Variants in UGT2A1 observed in about 807,000 individuals in gnomAD.
UGT2A1 encodes the protein UDP-glucuronosyltransferase 2A1.
In UGT2A1, 61 loss-of-function variants were observed where a neutral mutation model predicts 45.4. That is an observed-to-expected ratio of 1.34 (90% CI 1.09 to 1.66). The LOEUF is 1.66. UGT2A1 is among the 40% of genes most tolerant of loss of function. The pLI is 0.00. For missense variants in UGT2A1, 649 were observed against 574.3 expected, an observed-to-expected ratio of 1.13 and a Z score of -1.33; for synonymous variants, 229 against 196.2, an observed-to-expected ratio of 1.17 and a Z score of -1.40.
chr4:69,640,956 AC>A (rs1722020161), intron 2 of UGT2A1, among the ~76,000 whole-genome samples: 1 of 151,922 alleles, frequency 6.6e-6, no homozygotes, highest in African/African-American at 2.4e-5. Context: ...TTGCTGTCAA[AC>A]TTTCAATAAA....
At position 69,647,062 on chromosome 4, in the gene UGT2A1, C is replaced by G. The variant is rs768153012; in HGVS notation, c.583G>C (p.Ala195Pro). 1 of 1,612,784 alleles carries G rather than the reference C, an allele frequency of 6.2e-7. No homozygotes were observed. Among genetic ancestry groups the G allele is most frequent in the Admixed American group, 1.7e-5 (1 of 59,842 alleles). The change falls in exon 2 of 7, where the codon GCT becomes CCT. Residue 195 changes from alanine (A) to proline (P), a missense_variant. Ala to Pro is a conservative substitution (Grantham distance 27). Transcript: ENST00000286604. The stretch of plus-strand genomic sequence containing the variant: ...TGGTCGGTGAGTTCTGATAAAACAG[C>G]AGGAACATAGGAAGGAGGGTATGGT... ...KVPYPPSYVP[A>P]VLSELTDQMS...
intron 2 of UGT2A1, 23 bp downstream of exon 2, chr4:69,646,907 T>C: frequency 6.6e-7 from 1 of 1,516,904 alleles, no homozygotes; most frequent in Non-Finnish European, 8.8e-7. Flanking sequence ...ATTCAAGTAA[T>C]AAAAACAAAA....
intron 2 of UGT2A1, among the ~76,000 whole-genome samples, chr4:69,640,223 G>A (rs1008028102): frequency 1.3e-5 from 2 of 151,846 alleles, no homozygotes; most frequent in African/African-American, 4.8e-5. Flanking sequence ...TTCAAATATT[G>A]TCCTTTTATA....
intron 6 of UGT2A1, among the ~76,000 whole-genome samples, chr4:69,590,991 A>C (rs1052401389): frequency 2.6e-5 from 4 of 152,220 alleles, no homozygotes; most frequent in Non-Finnish European, 4.4e-5. Context: ...TATATACTCT[A>C]CACTATACCT....
chr4:69,630,791 C>T (rs755752588), intron 3 of UGT2A1, among the ~76,000 whole-genome samples: 4 of 152,098 alleles, frequency 2.6e-5, no homozygotes, highest in South Asian at 2.1e-4. Flanking sequence ...GCAATTCTAC[C>T]GCTGGAGGAA....
At chr4:69,591,838 T>C (rs4148307) in intron 6 of UGT2A1, among the ~76,000 whole-genome samples, 34,213 of 152,072 alleles carry the variant, frequency 0.22, 4,000 homozygotes, top group Middle Eastern at 0.31. Flanking sequence ...TGTCAGCAAC[T>C]AACAACTTTG....
chr4:69,614,685 C>T (rs749317319), intron 3 of UGT2A1, among the ~76,000 whole-genome samples: 21 of 152,038 alleles, frequency 1.4e-4, no homozygotes, highest in Middle Eastern at 3.4e-3. Context: ...AGTAAACTAC[C>T]TTTCAACAAA....
chr4:69,599,250 G>C lies in UGT2A1; in HGVS notation c.992C>G (p.Pro331Arg). 1 of 1,613,216 alleles carries C rather than the reference G, an allele frequency of 6.2e-7. No homozygotes were observed. Among genetic ancestry groups the C allele is most frequent in the Non-Finnish European group, 8.5e-7 (1 of 1,179,698 alleles). ...GLHCKPAKPL[P>R]KVLWRYKGKK... ...CCTCCACTGTTGTAGACCTACCTTAGGTAAAGGTTTGGCAGGTTTGCAGTG... is the reference window on the plus strand; with the variant it reads ...CCTCCACTGTTGTAGACCTACCTTACGTAAAGGTTTGGCAGGTTTGCAGTG... Residue 331 changes from proline (P) to arginine (R), a missense_variant, in exon 4 of 7, where the codon CCT becomes CGT. By Grantham distance (103) the Pro-to-Arg change is moderately radical. Coordinates refer to ENST00000286604, the MANE Select transcript of UGT2A1 (RefSeq NM_001252275.3).
At chr4:69,609,361 AT>A (rs963626730) in intron 3 of UGT2A1, among the ~76,000 whole-genome samples, 3 of 151,228 alleles carry the variant, frequency 2.0e-5, no homozygotes, top group African/African-American at 7.3e-5. Flanking sequence ...TTCAGTTTTA[AT>A]TTTTTGTTTG....
intron 3 of UGT2A1, among the ~76,000 whole-genome samples, chr4:69,610,787 C>T (rs896647067): frequency 1.3e-5 from 2 of 152,080 alleles, no homozygotes; most frequent in Admixed American, 6.5e-5. Context: ...CCTGGCAAAC[C>T]CTGATTTTGG....
chr4:69,648,458 A>G (rs1269809769), intron 1 of UGT2A1, among the ~76,000 whole-genome samples: 1 of 151,958 alleles, frequency 6.6e-6, no homozygotes, highest in Non-Finnish European at 1.5e-5. Context: ...AGCCTGCATG[A>G]AAAACAGCTA....
intron 2 of UGT2A1, chr4:69,638,774 C>T (rs1721866441): frequency 2.5e-6 from 3 of 1,213,046 alleles, no homozygotes; most frequent in African/African-American, 3.1e-5. Context: ...ATTGTTTGTA[C>T]AGAGATATAA....
At chr4:69,619,058 AATTT>A (rs932873724) in intron 3 of UGT2A1, among the ~76,000 whole-genome samples, 22 of 151,888 alleles carry the variant, frequency 1.4e-4, no homozygotes, top group African/African-American at 4.8e-4. Flanking sequence ...TAAATGTAGG[AATTT>A]ATTTATATCA....
intron 2 of UGT2A1, among the ~76,000 whole-genome samples, chr4:69,638,023 A>G (rs1327502668): frequency 6.6e-5 from 10 of 150,658 alleles, no homozygotes; most frequent in Admixed American, 2.0e-4. Context: ...AAGGAAGGAA[A>G]GAAGGAAGGA....
intron 3 of UGT2A1, among the ~76,000 whole-genome samples, chr4:69,615,822 G>A (rs1414873257): frequency 6.6e-6 from 1 of 151,922 alleles, no homozygotes; most frequent in African/African-American, 2.4e-5. Context: ...ATATAAAATT[G>A]GTGCAGCCAC....
At chr4:69,625,186 G>T (rs1299000939) in intron 3 of UGT2A1, among the ~76,000 whole-genome samples, 1 of 150,484 alleles carries the variant, frequency 6.6e-6, no homozygotes, top group Non-Finnish European at 1.5e-5. Context: ...TTTGCTAGAT[G>T]AAGTATTTTT....
chr4:69,634,550 T>C (rs181060057), intron 3 of UGT2A1, among the ~76,000 whole-genome samples: 7 of 151,910 alleles, frequency 4.6e-5, no homozygotes, highest in African/African-American at 1.7e-4. Flanking sequence ...GGGGGAAGGT[T>C]AAGAGGCTGT....
intron 3 of UGT2A1, among the ~76,000 whole-genome samples, chr4:69,608,456 A>T (rs1719816014): frequency 6.6e-6 from 1 of 151,972 alleles, no homozygotes; most frequent in African/African-American, 2.4e-5. Flanking sequence ...GCGTTGGGAA[A>T]TATACCTAAT....
intron 2 of UGT2A1, among the ~76,000 whole-genome samples, chr4:69,636,728 T>C (rs1021464970): frequency 5.3e-5 from 8 of 152,170 alleles, no homozygotes; most frequent in Non-Finnish European, 1.0e-4. Flanking sequence ...CATTGCAGAT[T>C]TCCTAAGTAG....
Sources: allele counts gnomAD v4.1 joint callset (sites outside exome capture counted in the v4.1 genomes callset), GRCh38; gene constraint gnomAD v4.1.1; transcripts MANE v1.5; gene names NCBI Gene and HGNC (gene_info 2026-07-23, HGNC 2026-07-21).